PTPN9: variants seen among roughly 807,000 people sequenced by gnomAD.
PTPN9 encodes protein tyrosine phosphatase non-receptor type 9, also known as tyrosine-protein phosphatase non-receptor type 9.
In PTPN9, 26 loss-of-function variants were observed where a neutral mutation model predicts 69.8. The observed-to-expected ratio is 0.37, with a 90% CI of 0.27 to 0.52. PTPN9 has a LOEUF of 0.52. PTPN9 is among the 20% of genes least tolerant of loss of function. PTPN9 has a pLI of 0.91. For missense variants in PTPN9, 549 were observed against 740.3 expected (o/e 0.74, Z 3.00); for synonymous variants, 274 against 272.5 (o/e 1.01, Z -0.05).
At chr15:75,544,557 AAC>A (rs754902897) in intron 1 of PTPN9, among the ~76,000 whole-genome samples, 1 of 151,902 alleles carries the variant, frequency 6.6e-6, no homozygotes, top group Non-Finnish European at 1.5e-5. Context: ...AAACAAACAA[AAC>A]ACACACACAC....
chr15:75,500,378 T>TAC (rs1166956226), intron 7 of PTPN9, among the ~76,000 whole-genome samples: 8 of 149,846 alleles, frequency 5.3e-5, no homozygotes, highest in African/African-American at 9.9e-5. Context: ...CACATATATA[T>TAC]ACACACACAA....
chr15:75,550,843 C>A lies in PTPN9; in HGVS notation c.64-23582G>T, dbSNP rs78341837. The stretch of plus-strand genomic sequence containing the variant: ...TTTTTTCTTTTTTGTTGAGCAGGGT[C>A]TCACTGTGTTGGCCAGGCTGCTCTT... On this transcript the variant is annotated intron_variant, in intron 1 of 12. Coordinates refer to ENST00000618819, the MANE Select transcript of PTPN9 (RefSeq NM_002833.4). Among the ~76,000 whole-genome samples the A allele has an allele frequency of 8.1e-3, 1,232 of 151,862 alleles. 31 individuals carry two copies. In the East Asian group the frequency reaches 0.1, roughly 13 times the overall value.
At chr15:75,504,074 A>G (rs1595955223) in intron 7 of PTPN9, among the ~76,000 whole-genome samples, 1 of 94,154 alleles carries the variant, frequency 1.1e-5, no homozygotes, top group Admixed American at 1.1e-4. Flanking sequence ...TCCGGGAGGG[A>G]GGTGGGGGGA....
chr15:75,538,704 T>C (rs765518040), intron 1 of PTPN9, among the ~76,000 whole-genome samples: 1 of 150,714 alleles, frequency 6.6e-6, no homozygotes, highest in Non-Finnish European at 1.5e-5. Flanking sequence ...AAAAGGAATG[T>C]TAAAGAAGAG....
At chr15:75,577,760 T>C (rs2075180189) in intron 1 of PTPN9, among the ~76,000 whole-genome samples, 2 of 152,314 alleles carry the variant, frequency 1.3e-5, no homozygotes, top group South Asian at 4.1e-4. Context: ...TCTTTTTTCA[T>C]GTTTATTTTT....
intron 1 of PTPN9, among the ~76,000 whole-genome samples, chr15:75,540,080 A>C (rs1200136851): frequency 6.6e-6 from 1 of 152,244 alleles, no homozygotes; most frequent in African/African-American, 2.4e-5. Context: ...ATCATTAAAA[A>C]ATTTAAAGAC....
chr15:75,559,202 C>A (rs1333467634), intron 1 of PTPN9, among the ~76,000 whole-genome samples: 1 of 152,132 alleles, frequency 6.6e-6, no homozygotes, highest in Non-Finnish European at 1.5e-5. Flanking sequence ...AGGAGCCCCT[C>A]CGCCCGGCAG....
At chr15:75,533,468 C>T (rs2074971460) in intron 1 of PTPN9, among the ~76,000 whole-genome samples, 1 of 151,876 alleles carries the variant, frequency 6.6e-6, no homozygotes, top group Non-Finnish European at 1.5e-5. Flanking sequence ...ACCATGTAGC[C>T]CAGGCTGATC....
intron 4 of PTPN9, among the ~76,000 whole-genome samples, chr15:75,517,628 GT>G (rs1277491507): frequency 6.6e-6 from 1 of 152,184 alleles, no homozygotes; most frequent in Non-Finnish European, 1.5e-5. Flanking sequence ...AATCTGAACT[GT>G]TTTCTCCCAC....
chr15:75,523,056 C>T (rs1595960440), intron 4 of PTPN9, 65 bp downstream of exon 4: 1 of 1,581,390 alleles, frequency 6.3e-7, no homozygotes, highest in African/African-American at 1.4e-5. Flanking sequence ...TGAATTTAAT[C>T]AAGTAAAAAA....
In PTPN9 at chr15:75,505,909, G is replaced by A; in HGVS notation, c.734C>T (p.Thr245Ile). The A allele has an allele frequency of 6.2e-7, 1 of 1,614,058 alleles. No individual in the cohort carries two copies. The change falls in exon 7 of 13, where the codon ACT becomes ATT. Residue 245 changes from threonine (T) to isoleucine (I), a missense_variant. Physicochemically the swap from Thr to Ile is moderately conservative, Grantham distance 89 (BLOSUM62 -1). Transcript: ENST00000618819. ...LGGYVKIDLA[T>I]WNFQFLPQVN... ...CTGGGGTAGGAACTGGAAATTCCAA[G>A]TGGCGAGATCAATTTTGACGTACCC...
intron 8 of PTPN9, among the ~76,000 whole-genome samples, chr15:75,482,477 A>G (rs1343195323): frequency 2.0e-5 from 3 of 148,008 alleles, no homozygotes; most frequent in Non-Finnish European, 4.5e-5. Flanking sequence ...AGGCAGGAGA[A>G]TGGCGTGAAC....
In PTPN9 at chr15:75,513,977, T is replaced by C. The variant is rs2074855719; in HGVS notation, c.528+3282A>G. On this transcript the variant is annotated intron_variant, in intron 5 of 12. Coordinates refer to ENST00000618819, the MANE Select transcript of PTPN9 (RefSeq NM_002833.4). ...AGCTAGGTGTGGTGACGAGCACCTG[T>C]AATCCCAACTACTTGGGAAATTAAG... Among the ~76,000 whole-genome samples the C allele has an allele frequency of 2.0e-5, 3 of 151,356 alleles. No homozygotes were observed. In the South Asian group the frequency reaches 6.2e-4, roughly 32 times the overall value.
intron 1 of PTPN9, among the ~76,000 whole-genome samples, chr15:75,544,460 T>G (rs2075022752): frequency 1.3e-5 from 2 of 151,940 alleles, no homozygotes; most frequent in Admixed American, 1.3e-4. Flanking sequence ...AGCCTGGGAG[T>G]CCAAGTCTAC....
rs571445192 is a variant in PTPN9, at chr15:75,467,079, C to T, written c.*1690G>A. On this transcript the variant is annotated 3_prime_UTR_variant, in exon 13 of 13. Coordinates refer to ENST00000618819, the MANE Select transcript of PTPN9 (RefSeq NM_002833.4). ...CCCTCCCAGACCAGCTCCTGGACCC[C>T]CTCCCTCATGTCCCAGGCTGCTAAA... The T allele has an allele frequency of 6.6e-6, 1 of 152,352 alleles. No individual in the cohort carries two copies. Among genetic ancestry groups the T allele is most frequent in the Non-Finnish European group, 1.5e-5 (1 of 68,044 alleles). The allele number at this position is 152,352 out of a possible 1,614,324, so 9.4% of individuals were successfully genotyped here.
chr15:75,537,677 C>A (rs2141328332), intron 1 of PTPN9, among the ~76,000 whole-genome samples: 1 of 141,962 alleles, frequency 7.0e-6, no homozygotes, highest in East Asian at 2.1e-4. Context: ...ATCACTTGAA[C>A]TCAGGAGGCG....
At chr15:75,537,776 A>AAAAAAAAAAAAAAAAAAAAAAC (rs1223040212) in intron 1 of PTPN9, among the ~76,000 whole-genome samples, 1 of 142,192 alleles carries the variant, frequency 7.0e-6, no homozygotes, top group Non-Finnish European at 1.5e-5. Context: ...AAAAAAAAAA[A>AAAAAAAAAAAAAAAAAAAAAAC]GGCCAGGCGT....
At chr15:75,474,717 A>G (rs1045890955) in intron 9 of PTPN9, among the ~76,000 whole-genome samples, 5 of 152,032 alleles carry the variant, frequency 3.3e-5, no homozygotes, top group African/African-American at 4.8e-5. Flanking sequence ...TTTTGCCCTC[A>G]TCTTCTCCCC....
chr15:75,550,747 G>A (rs1307914982), intron 1 of PTPN9, among the ~76,000 whole-genome samples: 39 of 152,140 alleles, frequency 2.6e-4, no homozygotes. Context: ...TCGCACCACT[G>A]CACTCCAACC....
Sources: allele counts gnomAD v4.1 joint callset (sites outside exome capture counted in the v4.1 genomes callset), GRCh38; gene constraint gnomAD v4.1.1; transcripts MANE v1.5; gene names NCBI Gene and HGNC (gene_info 2026-07-23, HGNC 2026-07-21).